ATN1: variants seen among roughly 807,000 people sequenced by gnomAD.
ATN1 encodes the protein atrophin-1.
ATN1 carries 19 observed loss-of-function variants against 85.8 expected under a neutral mutation model. The ratio of observed to expected loss-of-function variants is 0.22; its 90% CI spans 0.15 to 0.32. The LOEUF is 0.32. Ranked by LOEUF, ATN1 falls within the 10% of genes least tolerant of loss-of-function variation. The probability of loss-of-function intolerance (pLI) is 1.00; values close to 1 mark genes in which losing one functional copy is unlikely to be tolerated. For missense variants in ATN1, 1,453 were observed against 1,564.5 expected (o/e 0.93, Z 1.20); for synonymous variants, 674 against 657.0 (o/e 1.03, Z -0.39).
Position 6,941,002 on chromosome 12 carries a change from G to T in ATN1, c.3337G>T (p.Val1113Phe). 6.2e-7 allele frequency: 1 copy of T among 1,614,122 alleles called. No individual in the cohort carries two copies. The highest frequency in any genetic ancestry group is 8.5e-7 in the Non-Finnish European group (1 of 1,180,036). ...TCCTCACCCTCTGCACGAGAACGAAGTTCTTCGTCACCAGCTCTTTGGTAA... is the reference window on the plus strand; with the variant it reads ...TCCTCACCCTCTGCACGAGAACGAATTTCTTCGTCACCAGCTCTTTGGTAA... Reference protein sequence around the residue: ...LLPHPLHENEVLRHQLFAAPY... With the variant: ...LLPHPLHENEFLRHQLFAAPY... The change falls in exon 8 of 10, where the codon GTT becomes TTT. Residue 1113 changes from valine to phenylalanine, a missense_variant. Physicochemically the swap from Val to Phe is conservative, Grantham distance 50 (BLOSUM62 -1). Coordinates refer to ENST00000396684, the MANE Select transcript of ATN1 (RefSeq NM_001940.4). This position sits in a 1 kb window ranked among gnomAD's most constrained non-coding sequence, Gnocchi z 5.9.
chr12:6,936,898 C>T lies in ATN1; in HGVS notation c.1631C>T (p.Pro544Leu). 1.2e-6 allele frequency: 2 copies of T among 1,614,076 alleles called. No individual in the cohort carries two copies. The highest frequency in any genetic ancestry group is 1.7e-6 in the Non-Finnish European group (2 of 1,179,980). The stretch of plus-strand genomic sequence containing the variant: ...CTGGGGTCTCTGAGGCCCTACCCAC[C>T]AGGGCCAGCACACCTGCCCCCACCT... ...PSLGSLRPYP[P>L]GPAHLPPPHS... The change falls in exon 5 of 10, where the codon CCA (proline) becomes CTA (leucine). Residue 544 changes from proline (P) to leucine (L), a missense_variant. By Grantham distance (98) the Pro-to-Leu change is moderately conservative (BLOSUM62 -3). Coordinates refer to ENST00000396684, the MANE Select transcript of ATN1 (RefSeq NM_001940.4).
Position 6,938,957 on chromosome 12 carries a change from G to A in ATN1, c.2994G>A (p.Leu998=). Residue 998 remains leucine (L), a synonymous_variant, in exon 7 of 10, where the codon CTG becomes CTA. Coordinates refer to ENST00000396684, the MANE Select transcript of ATN1 (RefSeq NM_001940.4). ...PFPFHPSLGP[L]ERERLALAAG... ...CCTTTCATCCGAGCCTGGGGCCCCT[G>A]GAGCGAGAACGTCTAGCGCTGGCAG... 1 of 1,613,832 alleles carries A rather than the reference G, an allele frequency of 6.2e-7. No individual in the cohort carries two copies. The highest frequency in any genetic ancestry group is 8.5e-7 in the Non-Finnish European group (1 of 1,179,996).
rs1945627642 is a variant in ATN1 at position 6,941,030 on chromosome 12, A to G, written c.3358+7A>G. ...CTTCGTCACCAGCTCTTTGGTAAGGATGGAAGTTGGGGTAGGCAGCTCCAA... is the reference window on the plus strand; with the variant it reads ...CTTCGTCACCAGCTCTTTGGTAAGGGTGGAAGTTGGGGTAGGCAGCTCCAA... On this transcript the variant is annotated splice_region_variant and intron_variant, in intron 8 of 9. Coordinates refer to ENST00000396684, the MANE Select transcript of ATN1 (RefSeq NM_001940.4). This position sits in a 1 kb window ranked among gnomAD's most constrained non-coding sequence, Gnocchi z 5.9. 6.2e-7 allele frequency: 1 copy of G among 1,613,852 alleles called. No homozygotes were observed. Among genetic ancestry groups the G allele is most frequent in the East Asian group, 2.2e-5 (1 of 44,866 alleles).
rs782688062 is a variant in ATN1 at position 6,935,476 on chromosome 12, T to C, written c.280-71T>C. On this transcript the variant is annotated intron_variant, in intron 4 of 9. Coordinates refer to ENST00000396684, the MANE Select transcript of ATN1 (RefSeq NM_001940.4). This position sits in a 1 kb window ranked among gnomAD's most constrained non-coding sequence, Gnocchi z 5.3. ...TGTGCTGTGAGGGGAAATGATTTTATGCAAGAGAGCCCCAAATCTCAGGGA... is the reference window on the plus strand; with the variant it reads ...TGTGCTGTGAGGGGAAATGATTTTACGCAAGAGAGCCCCAAATCTCAGGGA... 475 of 1,377,604 alleles carry C rather than the reference T, an allele frequency of 3.4e-4. 2 individuals are homozygous for C. In the African/African-American group the frequency reaches 0.011, roughly 31 times the overall value. The allele number at this position is 1,377,604 out of a possible 1,614,324, so 85.3% of individuals were successfully genotyped here.
At chr12:6,933,546 C>G (rs1945492917) in intron 1 of ATN1, among the ~76,000 whole-genome samples, 2 of 152,148 alleles carry the variant, frequency 1.3e-5, no homozygotes, top group Non-Finnish European at 2.9e-5. Flanking sequence ...CACAAATATC[C>G]TTTAGGGATC....
In ATN1 at chr12:6,938,262, T is replaced by C. The variant is rs782022015; in HGVS notation, c.2517+195T>C. On this transcript the variant is annotated intron_variant, in intron 6 of 9. Transcript: ENST00000396684. ...AGGTTTTCAGCGAGAGCCATCTGCATTCCTGGGTTGGGAAAAGGCATGCTC... is the reference window on the plus strand; with the variant it reads ...AGGTTTTCAGCGAGAGCCATCTGCACTCCTGGGTTGGGAAAAGGCATGCTC... 2.0e-3 allele frequency among the ~76,000 whole-genome samples: 311 copies of C among 152,328 alleles called. 1 individual carries two copies. Among genetic ancestry groups the C allele is most frequent in the African/African-American group, 6.8e-3 (283 of 41,576 alleles).
intron 1 of ATN1, among the ~76,000 whole-genome samples, chr12:6,932,983 T>C (rs1945484336): frequency 6.6e-6 from 1 of 152,202 alleles, no homozygotes; most frequent in African/African-American, 2.4e-5. Context: ...AGAAAGAGCA[T>C]GGGCTTTGAA....
rs1180548645 is a variant in ATN1, at chr12:6,928,216, G to A, written c.-331G>A. 2.1e-5 allele frequency: 3 copies of A among 143,900 alleles called. No individual in the cohort carries two copies. The highest frequency in any genetic ancestry group is 7.6e-5 in the African/African-American group (3 of 39,348). The allele number at this position is 143,900 out of a possible 1,614,324, so 8.9% of individuals were successfully genotyped here. On this transcript the variant is annotated 5_prime_UTR_variant, in exon 1 of 10. Transcript: ENST00000396684. ...TTGGGGCCAGGCGGGGAAAAGGGGG[G>A]ATGGGGGCCGCCCTCCGGGGGGGTC... is the stretch of plus-strand genomic sequence containing the variant.
At chr12:6,927,338 G>C (rs1945408190), upstream of ATN1, among the ~76,000 whole-genome samples, 1 of 151,292 alleles carries the variant, frequency 6.6e-6, no homozygotes, top group East Asian at 1.9e-4. Context: ...CTCACCCCAA[G>C]CTTCTCTCAC....
Position 6,936,521 on chromosome 12 carries a change from C to G in ATN1, c.1254C>G (p.Leu418=). 1.2e-6 allele frequency: 2 copies of G among 1,606,740 alleles called. No homozygotes were observed. Among genetic ancestry groups the G allele is most frequent in the African/African-American group, 1.3e-5 (1 of 74,086 alleles). The change falls in exon 5 of 10, where the codon CTC becomes CTG. Residue 418 remains leucine, a synonymous_variant. Transcript: ENST00000396684. ...YPHSFPPPTS[L]SVSNQPPKYT... is the part of the protein sequence containing the mutation. ...ACTCTTTCCCTCCCCCAACAAGCCT[C>G]TCTGTCTCCAATCAGCCCCCCAAGT...
Position 6,937,218 on chromosome 12 carries a change from A to C in ATN1, c.1951A>C (p.Thr651Pro). ...AGCCCCGTCCCCGGGGGCCTACAAG[A>C]CAGCCACCCCACCCGGATACAAACC... ...KRAPSPGAYK[T>P]ATPPGYKPGS... The change falls in exon 5 of 10, where the codon ACA becomes CCA. Residue 651 changes from threonine (T) to proline (P), a missense_variant. This residue lies in a region of ATN1 where 990 missense variants were observed against 914.8 expected (regional missense o/e 1.08). Transcript: ENST00000396684. The surrounding 1 kb of genome is among the most constrained non-coding windows in gnomAD (Gnocchi z 6.0). 6.2e-7 allele frequency: 1 copy of C among 1,611,520 alleles called. No homozygotes were observed.
upstream of ATN1, among the ~76,000 whole-genome samples, chr12:6,925,239 ACT>A (rs1418188965): frequency 2.0e-5 from 3 of 150,762 alleles, no homozygotes; most frequent in African/African-American, 7.4e-5. Flanking sequence ...TTCTTTTGTG[ACT>A]CTCACCATCC....
Position 6,934,684 on chromosome 12 carries a change from A to G in ATN1, c.279+106A>G. ...GGATCTCTCCTGGGACATAAGAGAAAGGCCAGATCATAGTGCTTATGAGAG... is the reference window on the plus strand; with the variant it reads ...GGATCTCTCCTGGGACATAAGAGAAGGGCCAGATCATAGTGCTTATGAGAG... On this transcript the variant is annotated intron_variant, in intron 4 of 9. Transcript: ENST00000396684. This position sits in a 1 kb window ranked among gnomAD's most constrained non-coding sequence, Gnocchi z 4.5. The G allele has an allele frequency of 1.2e-6, 1 of 829,354 alleles. No individual in the cohort carries two copies. Among genetic ancestry groups the G allele is most frequent in the Non-Finnish European group, 2.0e-6 (1 of 507,516 alleles). The allele number at this position is 829,354 out of a possible 1,614,324, so 51.4% of individuals were successfully genotyped here. A position where few individuals can be genotyped will look rare whatever the true frequency, so the allele number is the denominator to read the frequency against.
At chr12:6,938,270 T>C (rs145728921) in intron 6 of ATN1, among the ~76,000 whole-genome samples, 26 of 152,188 alleles carry the variant, frequency 1.7e-4, no homozygotes, top group African/African-American at 4.6e-4. Flanking sequence ...CATTCCTGGG[T>C]TGGGAAAAGG....
At chr12:6,940,550 G>C (rs1591667587) in intron 7 of ATN1, among the ~76,000 whole-genome samples, 1 of 152,178 alleles carries the variant, frequency 6.6e-6, no homozygotes, top group Admixed American at 6.5e-5. Flanking sequence ...TTATAGGCTT[G>C]AGCCACTGTG....
At position 6,941,251 on chromosome 12, in the gene ATN1, C is replaced by T; in HGVS notation, c.3359-123C>T. ...ACCCTACCACTGGCAACTTACAGAACTGGGTGTGTTACCTCACTTTTTAGT... is the reference window on the plus strand; with the variant it reads ...ACCCTACCACTGGCAACTTACAGAATTGGGTGTGTTACCTCACTTTTTAGT... On this transcript the variant is annotated intron_variant, in intron 8 of 9. Transcript: ENST00000396684. This position sits in a 1 kb window ranked among gnomAD's most constrained non-coding sequence, Gnocchi z 5.9. 13 of 1,305,848 alleles carry T rather than the reference C, an allele frequency of 1.0e-5. No individual in the cohort carries two copies. Among genetic ancestry groups the T allele is most frequent in the Non-Finnish European group, 1.4e-5 (13 of 951,034 alleles). 80.9% of individuals were successfully genotyped at this position (1,305,848 alleles called of 1,614,324 possible).
upstream of ATN1, among the ~76,000 whole-genome samples, chr12:6,927,258 C>T (rs1421757157): frequency 6.6e-6 from 1 of 151,718 alleles, no homozygotes; most frequent in Non-Finnish European, 1.5e-5. Flanking sequence ...CCTTATGACC[C>T]CAAACTTCCA....
In ATN1 at chr12:6,934,876, T is replaced by C. The variant is rs1479407393; in HGVS notation, c.279+298T>C. Among the ~76,000 whole-genome samples the C allele has an allele frequency of 6.6e-6, 1 of 151,612 alleles. No homozygotes were observed. The highest frequency in any genetic ancestry group is 2.4e-5 in the African/African-American group (1 of 41,374). ...TTAAGGAAAATGCAGAAGTGGTCTTTCTTTTTTATTGTTTTTTTTTGTTTG... is the reference window on the plus strand; with the variant it reads ...TTAAGGAAAATGCAGAAGTGGTCTTCCTTTTTTATTGTTTTTTTTTGTTTG... On this transcript the variant is annotated intron_variant, in intron 4 of 9. Transcript: ENST00000396684. The surrounding 1 kb of genome is among the most constrained non-coding windows in gnomAD (Gnocchi z 4.5).
chr12:6,930,757 C>A (rs1021003640), intron 1 of ATN1, among the ~76,000 whole-genome samples: 1 of 151,950 alleles, frequency 6.6e-6, no homozygotes. Context: ...GCCGAGATCG[C>A]GGCACGGCAC....
Sources: gnomAD v4.1 joint callset for allele counts (sites outside exome capture counted in the v4.1 genomes callset) on GRCh38, gnomAD v4.1.1 for gene constraint, gnomAD v4.1.1 regional missense constraint, Gnocchi (gnomAD v3.1) non-coding constraint, MANE v1.5 for transcripts, NCBI Gene and HGNC (gene_info 2026-07-23, HGNC 2026-07-21) for gene names.